The following BRAP variants were observed in gnomAD, a reference collection of about 807,000 sequenced individuals.
The protein encoded by BRAP is BRCA1-associated protein.
BRAP carries 42 observed loss-of-function variants against 73.4 expected under a neutral mutation model. That is an observed-to-expected ratio of 0.57 (90% CI 0.45 to 0.74). BRAP has a LOEUF of 0.74. Ranked by LOEUF, BRAP falls within the 30% of genes least tolerant of loss-of-function variation. BRAP has a pLI of 0.00. For synonymous variants in BRAP, 255 were observed against 267.4 expected, an observed-to-expected ratio of 0.95 and a Z score of 0.45; for missense variants, 593 against 751.4, an observed-to-expected ratio of 0.79 and a Z score of 2.46.
At chr12:111,647,183 A>T (rs1322966682) in intron 11 of BRAP, among the ~76,000 whole-genome samples, 2 of 152,154 alleles carry the variant, frequency 1.3e-5, no homozygotes, top group Non-Finnish European at 2.9e-5. Flanking sequence ...GACTAGGAGG[A>T]CCACTTGAGC....
intron 4 of BRAP, among the ~76,000 whole-genome samples, chr12:111,675,535 G>A (rs959944266): frequency 3.4e-5 from 5 of 147,604 alleles, no homozygotes; most frequent in Non-Finnish European, 6.0e-5. Context: ...TAGAGAGTAG[G>A]GAACAAACTA....
At chr12:111,661,713 GT>G (rs746875251) in intron 6 of BRAP, among the ~76,000 whole-genome samples, 334 of 141,662 alleles carry the variant, frequency 2.4e-3, no homozygotes, top group African/African-American at 4.2e-3. Flanking sequence ...AAAAAAAAAG[GT>G]TTTTTTTTTT....
In BRAP at chr12:111,644,564, T is replaced by C; in HGVS notation, c.1416-2A>G. The C allele has an allele frequency of 6.2e-7, 1 of 1,607,628 alleles. No individual in the cohort carries two copies. Among genetic ancestry groups the C allele is most frequent in the Non-Finnish European group, 8.5e-7 (1 of 1,175,116 alleles). ...ACTTTTGTGTTTAGCTGAGTGCACCTTTTGAAAAACAAAGGAAGACAAAAG... is the reference window on the plus strand; with the variant it reads ...ACTTTTGTGTTTAGCTGAGTGCACCCTTTGAAAAACAAAGGAAGACAAAAG... On this transcript the variant is annotated splice_acceptor_variant, in intron 11 of 11. Transcript: ENST00000419234. LOFTEE classifies it high-confidence loss of function.
intron 7 of BRAP, among the ~76,000 whole-genome samples, 153 bp downstream of exon 7, chr12:111,660,447 C>T (rs1014554401): frequency 6.6e-6 from 1 of 151,526 alleles, no homozygotes; most frequent in Non-Finnish European, 1.5e-5. Context: ...GCCAGGAGTT[C>T]GAGACCAGCC....
intron 10 of BRAP, among the ~76,000 whole-genome samples, chr12:111,654,340 G>C (rs1014630714): frequency 2.7e-5 from 4 of 149,106 alleles, no homozygotes; most frequent in African/African-American, 7.4e-5. Flanking sequence ...TTTTGAGACA[G>C]AGTCTCGGTC....
chr12:111,665,838 T>C lies in BRAP; in HGVS notation c.748-51A>G. On this transcript the variant is annotated intron_variant, in intron 5 of 11. Transcript: ENST00000419234. The surrounding 1 kb of genome is among the most constrained non-coding windows in gnomAD (Gnocchi z 4.3). ...TCACTCTTCATCTACCAGCAATACTTTATTTTTCCTTCTTTTTTCTGAGAC... is the reference window on the plus strand; with the variant it reads ...TCACTCTTCATCTACCAGCAATACTCTATTTTTCCTTCTTTTTTCTGAGAC... 5 of 1,606,210 alleles carry C rather than the reference T, an allele frequency of 3.1e-6. No homozygotes were observed. The highest frequency in any genetic ancestry group is 4.3e-6 in the Non-Finnish European group (5 of 1,173,524).
At chr12:111,645,061 G>C (rs1221726532) in intron 11 of BRAP, among the ~76,000 whole-genome samples, 1 of 149,950 alleles carries the variant, frequency 6.7e-6, no homozygotes, top group Non-Finnish European at 1.5e-5. Flanking sequence ...CAGTCCACAA[G>C]TGTATTATTT....
chr12:111,683,067 G>C (rs1430394000), intron 2 of BRAP, 79 bp downstream of exon 2: 2 of 1,457,994 alleles, frequency 1.4e-6, no homozygotes, highest in Admixed American at 4.2e-5. Flanking sequence ...TGAAATTGTA[G>C]GCTCATCAAA....
rs182241045 is a variant in BRAP, at chr12:111,679,103, C to A, written c.633+48G>T. On this transcript the variant is annotated intron_variant, in intron 4 of 11. Coordinates refer to ENST00000419234, the MANE Select transcript of BRAP (RefSeq NM_006768.5). Reference sequence around the variant, plus strand: ...CACAGCTATCATACAGTTTGAATACCACAGTTTCTGTGGCAAAGAGATTTT... The same window carrying A: ...CACAGCTATCATACAGTTTGAATACAACAGTTTCTGTGGCAAAGAGATTTT... 2.6e-4 allele frequency: 357 copies of A among 1,353,116 alleles called. 3 individuals are homozygous for A. In the Middle Eastern group the frequency reaches 8.3e-3, roughly 31 times the overall value. The allele number at this position is 1,353,116 out of a possible 1,614,324, so 83.8% of individuals were successfully genotyped here.
At chr12:111,680,534 CAAA>C (rs11336940) in intron 3 of BRAP, among the ~76,000 whole-genome samples, 5 of 130,102 alleles carry the variant, frequency 3.8e-5, no homozygotes, top group Non-Finnish European at 5.1e-5. Flanking sequence ...CCATCTCTGC[CAAA>C]AAAAAAAAAA....
At chr12:111,649,872 C>G in intron 11 of BRAP, 67 bp downstream of exon 11, 1 of 1,135,306 alleles carries the variant, frequency 8.8e-7, no homozygotes, top group Admixed American at 2.1e-5. Context: ...GAGGGTGTTT[C>G]CATAGGAATG....
At chr12:111,672,835 A>G in intron 4 of BRAP, 61 bp from the exon 5 acceptor site, 1 of 1,272,634 alleles carries the variant, frequency 7.9e-7, no homozygotes, top group Non-Finnish European at 1.1e-6. Context: ...AATCTGCTTT[A>G]TATTCAATAT....
At chr12:111,663,063 T>C (rs1886814024) in intron 6 of BRAP, among the ~76,000 whole-genome samples, 1 of 152,026 alleles carries the variant, frequency 6.6e-6, no homozygotes, top group Non-Finnish European at 1.5e-5. Flanking sequence ...AAATGTAAAT[T>C]TGATCTTGAA....
Position 111,644,338 on chromosome 12 carries a change from TTGATCTTCTGC to T in BRAP, c.1629_1639del (p.Gln544ProfsTer81). On this transcript the variant is annotated frameshift_variant, in exon 12 of 12. Coordinates refer to ENST00000419234, the MANE Select transcript of BRAP (RefSeq NM_006768.5). LOFTEE classifies it high-confidence loss of function. ...CTGCCGGGTCTCGGCAGGCAGATGG[TTGATCTTCTGC>T]TGTGTCTCCAGGTAGAACATGACGT... The T allele has an allele frequency of 6.2e-7, 1 of 1,614,080 alleles. No homozygotes were observed. Among genetic ancestry groups the T allele is most frequent in the Non-Finnish European group, 8.5e-7 (1 of 1,180,026 alleles).
At position 111,652,371 on chromosome 12, in the gene BRAP, C is replaced by G. The variant is rs150306917; in HGVS notation, c.1312-2329G>C. On this transcript the variant is annotated intron_variant, in intron 10 of 11. Coordinates refer to ENST00000419234, the MANE Select transcript of BRAP (RefSeq NM_006768.5). ...CCTGAGTAGCTGGGACTATGGGCAC[C>G]CGCTACCACGTCCAGCTAATTTTTT... Among the ~76,000 whole-genome samples, 216 of 152,054 alleles carry G rather than the reference C, an allele frequency of 1.4e-3. 2 individuals carry two copies. Among genetic ancestry groups the G allele is most frequent in the African/African-American group, 4.7e-3 (197 of 41,502 alleles).
In BRAP at chr12:111,664,456, T is replaced by G. The variant is rs577460242; in HGVS notation, c.896+1183A>C. On this transcript the variant is annotated intron_variant, in intron 6 of 11. Transcript: ENST00000419234. ...TGCACATATCTCAGTATGGCTTTGT[T>G]CAAGGCAACTGGACAATTCCTTGGA... Among the ~76,000 whole-genome samples the G allele has an allele frequency of 5.9e-5, 9 of 152,342 alleles. No homozygotes were observed. The South Asian group carries it at 1.9e-3, about 32-fold the overall frequency.
chr12:111,685,213 G>A (rs888383666), intron 1 of BRAP, among the ~76,000 whole-genome samples: 6 of 152,216 alleles, frequency 3.9e-5, no homozygotes, highest in African/African-American at 1.4e-4. Context: ...TGCCTCTTAG[G>A]GCTGTTGCAA....
rs538091615 is a variant in BRAP at position 111,669,043 on chromosome 12, A to G, written c.748-3256T>C. Among the ~76,000 whole-genome samples, 3 of 152,286 alleles carry G rather than the reference A, an allele frequency of 2.0e-5. No individual in the cohort carries two copies. The South Asian group carries it at 6.2e-4, about 32-fold the overall frequency. On this transcript the variant is annotated intron_variant, in intron 5 of 11. Transcript: ENST00000419234. ...ATGACTTGAAACAAAACAAATGCCT[A>G]TAAGGAAAAAAGCTGCATTTTAATT...
chr12:111,672,828 C>T, intron 4 of BRAP, 54 bp from the exon 5 acceptor site: 2 of 1,403,252 alleles, frequency 1.4e-6, no homozygotes, highest in South Asian at 2.4e-5. Flanking sequence ...CCCTGAAAAT[C>T]TGCTTTATAT....
Sources: gnomAD v4.1 joint callset for allele counts (sites outside exome capture counted in the v4.1 genomes callset) on GRCh38, gnomAD v4.1.1 for gene constraint, Gnocchi (gnomAD v3.1) non-coding constraint, MANE v1.5 for transcripts, NCBI Gene and HGNC (gene_info 2026-07-23, HGNC 2026-07-21) for gene names.